The following PLEKHO2 variants were observed in gnomAD, a reference collection of about 807,000 sequenced individuals.
PLEKHO2 encodes pleckstrin homology domain-containing family O member 2.
PLEKHO2 carries 20 observed loss-of-function variants against 32.7 expected under a neutral mutation model. That is an observed-to-expected ratio of 0.61 (90% CI 0.43 to 0.89). PLEKHO2 has a LOEUF of 0.89. PLEKHO2 is among the 40% of genes least tolerant of loss of function. The pLI, the probability that PLEKHO2 is intolerant of heterozygous loss-of-function variation, is 0.00. For missense variants in PLEKHO2, 568 were observed against 621.2 expected, an observed-to-expected ratio of 0.91 and a Z score of 0.91; for synonymous variants, 247 against 246.3, an observed-to-expected ratio of 1.00 and a Z score of -0.03.
intron 2 of PLEKHO2, among the ~76,000 whole-genome samples, chr15:64,853,027 T>A (rs1177855154): frequency 1.3e-5 from 2 of 150,596 alleles, no homozygotes; most frequent in African/African-American, 4.9e-5. Context: ...TAATCCCAGC[T>A]ACTCGGGGGG....
intron 1 of PLEKHO2, among the ~76,000 whole-genome samples, chr15:64,846,561 A>G (rs940021): frequency 0.71 from 107,468 of 152,014 alleles, 38,817 homozygotes; most frequent in East Asian, 0.94. Context: ...TGATCTGCCC[A>G]TCTCGGCCCA....
rs141429505 is a variant in PLEKHO2 at position 64,859,896 on chromosome 15, C to T, written c.282C>T (p.Val94=). 2 of 1,613,928 alleles carry T rather than the reference C, an allele frequency of 1.2e-6. No homozygotes were observed. The highest frequency in any genetic ancestry group is 3.3e-5 in the Admixed American group (2 of 60,026). The stretch of plus-strand genomic sequence containing the variant: ...TACTCCATCCATCTTGCCCACAGGT[C>T]AGCGACATCAAATTCCAGGCACCCA... ...FILLRSPGNK[V]SDIKFQAPTG... The change falls in exon 4 of 6, where the codon GTC becomes GTT. Residue 94 remains valine (V), a splice_region_variant and synonymous_variant. Coordinates refer to ENST00000323544, the MANE Select transcript of PLEKHO2 (RefSeq NM_025201.5).
chr15:64,866,564 G>A lies in PLEKHO2; in HGVS notation c.*676G>A. ...TTGCAAAACAAGGACATTTTCTGCA[G>A]CCCCTTCCTCTCAGTGAGCTATGAT... On this transcript the variant is annotated 3_prime_UTR_variant, in exon 6 of 6. Transcript: ENST00000323544. The A allele has an allele frequency of 5.6e-6, 2 of 358,732 alleles. No individual in the cohort carries two copies. Among genetic ancestry groups the A allele is most frequent in the South Asian group, 4.2e-5 (2 of 48,010 alleles). The allele number at this position is 358,732 out of a possible 1,614,324, so 22.2% of individuals were successfully genotyped here. A position where few individuals can be genotyped will look rare whatever the true frequency, so the allele number is the denominator to read the frequency against.
At chr15:64,862,880 A>ATAT (rs2084652566) in intron 5 of PLEKHO2, among the ~76,000 whole-genome samples, 1 of 150,192 alleles carries the variant, frequency 6.7e-6, no homozygotes, top group African/African-American at 2.5e-5. Context: ...GCACCCATTA[A>ATAT]CTCGTCATTT....
At chr15:64,844,916 C>G (rs2084511613) in intron 1 of PLEKHO2, among the ~76,000 whole-genome samples, 1 of 152,196 alleles carries the variant, frequency 6.6e-6, no homozygotes, top group Admixed American at 6.5e-5. Context: ...TACCCGCTCC[C>G]CACCAGACAG....
intron 3 of PLEKHO2, 101 bp from the exon 4 acceptor site, chr15:64,859,793 T>G: frequency 2.1e-6 from 2 of 931,382 alleles, no homozygotes; most frequent in African/African-American, 1.6e-5. Flanking sequence ...TGTGGGGTCA[T>G]TTTGGTTTGA....
chr15:64,863,135 A>C (rs2084654598), intron 5 of PLEKHO2, among the ~76,000 whole-genome samples: 1 of 151,908 alleles, frequency 6.6e-6, no homozygotes, highest in South Asian at 2.1e-4. Flanking sequence ...ACGAGGTTTC[A>C]CCATCTTGGC....
intron 2 of PLEKHO2, among the ~76,000 whole-genome samples, chr15:64,850,486 C>A (rs1022922459): frequency 2.0e-5 from 3 of 152,216 alleles, no homozygotes; most frequent in South Asian, 2.1e-4. Context: ...TAAATAAAAT[C>A]TTTCCCTGGT....
intron 5 of PLEKHO2, among the ~76,000 whole-genome samples, chr15:64,863,742 A>AC (rs984295902): frequency 2.4e-4 from 21 of 87,520 alleles, no homozygotes; most frequent in East Asian, 1.1e-3. Flanking sequence ...ACAGTGCGAG[A>AC]CCCCCTTTTT....
chr15:64,862,502 G>C (rs528821869), intron 5 of PLEKHO2, among the ~76,000 whole-genome samples: 2 of 152,212 alleles, frequency 1.3e-5, no homozygotes, highest in South Asian at 4.2e-4. Flanking sequence ...ATGGGGAGGG[G>C]GGAAGGGAGG....
At chr15:64,848,974 A>C (rs962410797) in intron 2 of PLEKHO2, among the ~76,000 whole-genome samples, 6 of 151,962 alleles carry the variant, frequency 3.9e-5, no homozygotes, top group African/African-American at 1.5e-4. Context: ...TATTTTTTTA[A>C]ACTTAATTCT....
In PLEKHO2 at chr15:64,866,038, T is replaced by G. The variant is rs913474134; in HGVS notation, c.*150T>G. 2.0e-6 allele frequency: 2 copies of G among 1,022,352 alleles called. No homozygotes were observed. The highest frequency in any genetic ancestry group is 2.8e-6 in the Non-Finnish European group (2 of 721,482). 63.3% of individuals were successfully genotyped at this position (1,022,352 alleles called of 1,614,324 possible). ...GGGTTTGGCCATGACCCGAAGAGAC[T>G]CCTGGCGTCCTTCCTACTCTGCTCT... On this transcript the variant is annotated 3_prime_UTR_variant, in exon 6 of 6. Coordinates refer to ENST00000323544, the MANE Select transcript of PLEKHO2 (RefSeq NM_025201.5).
intron 2 of PLEKHO2, among the ~76,000 whole-genome samples, chr15:64,850,449 C>T (rs567021663): frequency 8.5e-5 from 13 of 152,306 alleles, no homozygotes; most frequent in South Asian, 4.1e-4. Context: ...AAATATTCTC[C>T]GCTTTCTTCA....
intron 1 of PLEKHO2, among the ~76,000 whole-genome samples, chr15:64,848,321 A>G (rs1352093): frequency 0.55 from 83,365 of 152,076 alleles, 24,338 homozygotes; most frequent in East Asian, 0.94. Context: ...TAATGAGGCT[A>G]CCATCTTGGA....
chr15:64,842,209 G>T (rs2084489309), intron 1 of PLEKHO2, among the ~76,000 whole-genome samples, 181 bp downstream of exon 1: 1 of 152,240 alleles, frequency 6.6e-6, no homozygotes, highest in Non-Finnish European at 1.5e-5. Context: ...TTCGCAGACC[G>T]CGTCCTCCTT....
chr15:64,842,139 A>C, intron 1 of PLEKHO2, 111 bp downstream of exon 1: 1 of 1,042,798 alleles, frequency 9.6e-7, no homozygotes, highest in Non-Finnish European at 1.2e-6. Context: ...CGCCAGTCTC[A>C]CCTCAGGAAG....
In PLEKHO2 at chr15:64,859,927, G is replaced by A. The variant is rs779832613; in HGVS notation, c.313G>A (p.Glu105Lys). Reference protein sequence around the residue: ...SDIKFQAPTGEEKESWIKALN... With the variant: ...SDIKFQAPTGKEKESWIKALN... ...CATCAAATTCCAGGCACCCACCGGG[G>A]AGGAGAAGGAATCCTGGATCAAAGC... The change falls in exon 4 of 6, where the codon GAG becomes AAG. Residue 105 changes from glutamate (E) to lysine (K), a missense_variant. Glu to Lys is a moderately conservative substitution (Grantham distance 56). Coordinates refer to ENST00000323544, the MANE Select transcript of PLEKHO2 (RefSeq NM_025201.5). 8 of 1,614,218 alleles carry A rather than the reference G, an allele frequency of 5.0e-6. No homozygotes were observed. Among genetic ancestry groups the A allele is most frequent in the Non-Finnish European group, 6.8e-6 (8 of 1,180,044 alleles).
chr15:64,860,072 GC>G, intron 4 of PLEKHO2, 74 bp downstream of exon 4: 1 of 1,334,882 alleles, frequency 7.5e-7, no homozygotes, highest in Non-Finnish European at 1.1e-6. Flanking sequence ...AGAGGACCCT[GC>G]CCCTCCTTAC....
intron 5 of PLEKHO2, among the ~76,000 whole-genome samples, chr15:64,864,484 A>T (rs1340276026): frequency 6.6e-6 from 1 of 152,110 alleles, no homozygotes; most frequent in African/African-American, 2.4e-5. Flanking sequence ...GACCCTGGGT[A>T]TGGTGATGGG....
Sources: allele counts gnomAD v4.1 joint callset (sites outside exome capture counted in the v4.1 genomes callset), GRCh38; gene constraint gnomAD v4.1.1; transcripts MANE v1.5; gene names NCBI Gene and HGNC (gene_info 2026-07-23, HGNC 2026-07-21).